Variants in LRBA observed in about 807,000 individuals in gnomAD.
LRBA encodes the protein lipopolysaccharide-responsive and beige-like anchor protein.
A neutral mutation model predicts 330.0 loss-of-function variants in LRBA; 176 were observed. That is an observed-to-expected ratio of 0.53 (90% CI 0.47 to 0.60). LRBA has a LOEUF of 0.60. LRBA is among the 20% of genes least tolerant of loss of function. The pLI is 0.00. For missense variants in LRBA, 3,259 were observed against 3,444.8 expected (o/e 0.95, Z 1.35); for synonymous variants, 1,230 against 1,193.0 (o/e 1.03, Z -0.64).
At chr4:150,867,067 G>A (rs10024139) in intron 22 of LRBA, among the ~76,000 whole-genome samples, 128,487 of 146,802 alleles carry the variant, frequency 0.88, 56,098 homozygotes, top group Non-Finnish European at 0.94. Flanking sequence ...TTTCAAAAAA[G>A]AATTTAAGCT....
At chr4:150,742,034 A>G (rs1231035426) in intron 35 of LRBA, among the ~76,000 whole-genome samples, 1 of 152,046 alleles carries the variant, frequency 6.6e-6, no homozygotes, top group Non-Finnish European at 1.5e-5. Context: ...ACTTTATGTA[A>G]TCTGGAACAT....
intron 22 of LRBA, among the ~76,000 whole-genome samples, chr4:150,854,224 T>C (rs915396989): frequency 6.6e-6 from 1 of 152,226 alleles, no homozygotes; most frequent in Non-Finnish European, 1.5e-5. Context: ...TTTTTCCTAA[T>C]TGTAACTATT....
At chr4:150,359,393 A>T (rs1738344691) in intron 47 of LRBA, among the ~76,000 whole-genome samples, 1 of 152,162 alleles carries the variant, frequency 6.6e-6, no homozygotes, top group African/African-American at 2.4e-5. Flanking sequence ...GAGAGCCTTA[A>T]TCAAGAAAGT....
chr4:150,725,727 A>C (rs1729582682), intron 36 of LRBA, among the ~76,000 whole-genome samples: 1 of 152,208 alleles, frequency 6.6e-6, no homozygotes, highest in South Asian at 2.1e-4. Context: ...AAATAAACCA[A>C]GTAGAAAGAC....
At chr4:151,011,637 A>G (rs1744858606) in intron 2 of LRBA, among the ~76,000 whole-genome samples, 1 of 151,744 alleles carries the variant, frequency 6.6e-6, no homozygotes, top group South Asian at 2.1e-4. Context: ...ATCAATTAGG[A>G]AATATTTACG....
At chr4:150,831,448 A>G (rs1017882885) in intron 29 of LRBA, among the ~76,000 whole-genome samples, 9 of 152,172 alleles carry the variant, frequency 5.9e-5, no homozygotes, top group Non-Finnish European at 1.0e-4. Context: ...TTAACTAACT[A>G]TACTTTTATA....
intron 40 of LRBA, among the ~76,000 whole-genome samples, chr4:150,569,968 TTTA>T (rs1561367101): frequency 1.3e-5 from 2 of 152,140 alleles, no homozygotes; most frequent in Non-Finnish European, 1.5e-5. Context: ...ATCATACATA[TTTA>T]TTGTTTTGCA....
At chr4:150,860,462 ACCTCTCCTT>A (rs1751758238) in intron 22 of LRBA, among the ~76,000 whole-genome samples, 1 of 152,086 alleles carries the variant, frequency 6.6e-6, no homozygotes, top group African/African-American at 2.4e-5. Context: ...GGCACTAGAG[ACCTCTCCTT>A]AAAGCAACTA....
At chr4:150,700,927 CT>C (rs1474473910) in intron 36 of LRBA, among the ~76,000 whole-genome samples, 1 of 151,768 alleles carries the variant, frequency 6.6e-6, no homozygotes, top group Non-Finnish European at 1.5e-5. Context: ...CCCTGGCTAA[CT>C]TTTTTATTTT....
chr4:150,282,594 C>A lies in LRBA; in HGVS notation c.8172G>T (p.Glu2724Asp), dbSNP rs1369055915. ...TTGGTTTCAGGCAGTTTTCAGGACC[C>A]TCCAAGGTCCTCAACAAGTCTCCAT... ...SMNGDLLRTL[E>D]GPENCLKPKL... Residue 2724 changes from glutamate to aspartate, a missense_variant, in exon 55 of 57, where the codon GAG becomes GAT. Transcript: ENST00000651943. The A allele has an allele frequency of 1.9e-6, 3 of 1,613,984 alleles. No individual in the cohort carries two copies. The highest frequency in any genetic ancestry group is 2.5e-6 in the Non-Finnish European group (3 of 1,179,880).
intron 56 of LRBA, among the ~76,000 whole-genome samples, chr4:150,267,098 T>TTAGACGTCA (rs1745446487): frequency 6.6e-6 from 1 of 152,160 alleles, no homozygotes; most frequent in South Asian, 2.1e-4. Flanking sequence ...AGTAATAGTT[T>TTAGACGTCA]TAGACGTCAA....
At chr4:150,991,652 T>A (rs972896275) in intron 2 of LRBA, among the ~76,000 whole-genome samples, 1 of 151,978 alleles carries the variant, frequency 6.6e-6, no homozygotes, top group African/African-American at 2.4e-5. Context: ...TGCCAGGGGA[T>A]AGGGATGGGG....
Position 150,852,494 on chromosome 4 carries a change from T to C in LRBA, c.3216A>G (p.Ser1072=). 1 of 1,613,790 alleles carries C rather than the reference T, an allele frequency of 6.2e-7. No individual in the cohort carries two copies. The highest frequency in any genetic ancestry group is 8.5e-7 in the Non-Finnish European group (1 of 1,179,972). Residue 1072 remains serine (S), a synonymous_variant, in exon 23 of 57, where the codon TCA becomes TCG. Transcript: ENST00000651943. ...AAGCAGTTACTTCACTGACAGTCAT[T>C]GAATCTTTGCCAGTTGTTATAAAAG... The part of the protein sequence containing the change: ...SNSFITTGKD[S]MTVSEVTASI...
At position 150,639,371 on chromosome 4, in the gene LRBA, AAGAAAAAAAAAAAC is replaced by A. The variant is rs1387346907; in HGVS notation, c.5922-40254_5922-40241del. ...AACTTAAAGTATAATAAAAAAAAAA[AAGAAAAAAAAAAAC>A]AAAGAAAAAAAAGAACACATAAGCA... On this transcript the variant is annotated intron_variant, in intron 37 of 56. Coordinates refer to ENST00000651943, the MANE Select transcript of LRBA (RefSeq NM_001364905.1). Among the ~76,000 whole-genome samples the A allele has an allele frequency of 2.5e-3, 352 of 143,462 alleles. 2 individuals are homozygous for A. In the Middle Eastern group the frequency reaches 0.028, roughly 11 times the overall value. The allele number at this position is 143,462 out of a possible 152,430, so 94.1% of individuals were successfully genotyped here. A position where few individuals can be genotyped will look rare whatever the true frequency, so the allele number is the denominator to read the frequency against.
chr4:150,567,867 T>A (rs1365385862), intron 40 of LRBA, among the ~76,000 whole-genome samples: 1 of 152,150 alleles, frequency 6.6e-6, no homozygotes, highest in Non-Finnish European at 1.5e-5. Context: ...TGCTACCAAG[T>A]AAATAACTTG....
chr4:150,607,233 C>T (rs1774741519), intron 37 of LRBA, among the ~76,000 whole-genome samples: 1 of 152,108 alleles, frequency 6.6e-6, no homozygotes, highest in Admixed American at 6.5e-5. Context: ...ATCAGGCTTT[C>T]ACAAGAGGTT....
chr4:150,884,447 T>C (rs769951800), intron 17 of LRBA, among the ~76,000 whole-genome samples: 26 of 152,188 alleles, frequency 1.7e-4, no homozygotes, highest in South Asian at 4.1e-4. Flanking sequence ...ACTAGATAAG[T>C]AGCCACAACT....
Position 150,310,231 on chromosome 4 carries a change from G to T in LRBA, c.7847C>A (p.Thr2616Lys). 3.7e-6 allele frequency: 6 copies of T among 1,607,772 alleles called. No individual in the cohort carries two copies. The highest frequency in any genetic ancestry group is 5.1e-6 in the Non-Finnish European group (6 of 1,175,066). Reference protein sequence around the residue: ...DKSFRVYSTDTGRLIQVVFGH... With the variant: ...DKSFRVYSTDKGRLIQVVFGH... ...CTGATAAAGAAAATGAAAATTACCTGTGTCTGTAGAATAGACTCTGAAACT... is the reference window on the plus strand; with the variant it reads ...CTGATAAAGAAAATGAAAATTACCTTTGTCTGTAGAATAGACTCTGAAACT... Residue 2616 changes from threonine (T) to lysine (K), a missense_variant and splice_region_variant, in exon 52 of 57, where the codon ACA becomes AAA. Coordinates refer to ENST00000651943, the MANE Select transcript of LRBA (RefSeq NM_001364905.1).
intron 34 of LRBA, among the ~76,000 whole-genome samples, chr4:150,796,151 TATCA>T (rs1351199744): frequency 1.3e-5 from 2 of 151,884 alleles, no homozygotes; most frequent in Admixed American, 6.6e-5. Context: ...CAAAAAAAAT[TATCA>T]ATCAAACTCA....
Sources: allele counts gnomAD v4.1 joint callset (sites outside exome capture counted in the v4.1 genomes callset), GRCh38; gene constraint gnomAD v4.1.1; transcripts MANE v1.5; gene names NCBI Gene and HGNC (gene_info 2026-07-23, HGNC 2026-07-21).